RARB: variants seen among roughly 807,000 people sequenced by gnomAD.
The protein encoded by RARB is retinoic acid receptor beta.
RARB carries 17 observed loss-of-function variants against 51.9 expected under a neutral mutation model. That is an observed-to-expected ratio of 0.33 (90% CI 0.22 to 0.49). RARB has a LOEUF of 0.49. Among genes scored for constraint, RARB ranks in the 20% least tolerant of loss-of-function variants. The pLI, the probability that RARB is intolerant of heterozygous loss-of-function variation, is 0.99. For missense variants in RARB, 369 were observed against 550.8 expected, an observed-to-expected ratio of 0.67 and a Z score of 3.30; for synonymous variants, 215 against 195.4, an observed-to-expected ratio of 1.10 and a Z score of -0.84.
At chr3:25,110,323 T>C (rs1699580978) in intron 3 of RARB, among the ~76,000 whole-genome samples, 1 of 152,208 alleles carries the variant, frequency 6.6e-6, no homozygotes, top group Admixed American at 6.5e-5. Flanking sequence ...TCTAAGGGCA[T>C]GCATATGTGT....
intron 1 of RARB, among the ~76,000 whole-genome samples, chr3:24,835,347 G>A (rs1336127209): frequency 6.6e-6 from 1 of 152,156 alleles, no homozygotes; most frequent in East Asian, 1.9e-4. Context: ...GTTTTTACAA[G>A]CAGGTGGCAG....
intron 2 of RARB, among the ~76,000 whole-genome samples, chr3:25,468,747 G>A (rs965133853): frequency 6.6e-6 from 1 of 152,142 alleles, no homozygotes; most frequent in African/African-American, 2.4e-5. Flanking sequence ...ATTAAAAAAG[G>A]AAGCGCTTAC....
chr3:25,023,255 G>T (rs774819015), intron 2 of RARB, among the ~76,000 whole-genome samples: 2 of 152,190 alleles, frequency 1.3e-5, no homozygotes, highest in South Asian at 4.1e-4. Context: ...ATACTCCACA[G>T]TAATGTGAGA....
chr3:24,984,892 C>T lies in RARB; in HGVS notation c.-379-75233C>T, dbSNP rs1696754511. On this transcript the variant is annotated intron_variant, in intron 2 of 11. Coordinates refer to the RARB transcript ENST00000383772. ...AAAACGTAAGTTCCAAAAGCAATAG[C>T]CTGCAATTTCCTGTTCTGAGCTTTG... Among the ~76,000 whole-genome samples the T allele has an allele frequency of 2.0e-5, 3 of 152,264 alleles. No individual in the cohort carries two copies. The South Asian group carries it at 6.2e-4, about 32-fold the overall frequency.
chr3:24,942,586 T>C (rs1695690133), intron 2 of RARB, among the ~76,000 whole-genome samples: 1 of 152,198 alleles, frequency 6.6e-6, no homozygotes, highest in Admixed American at 6.5e-5. Context: ...GTTCTGTGCC[T>C]TTACTACCTA....
intron 2 of RARB, among the ~76,000 whole-genome samples, chr3:25,050,467 C>T (rs543573993): frequency 3.3e-5 from 5 of 152,070 alleles, no homozygotes; most frequent in East Asian, 3.9e-4. Flanking sequence ...CTTTTACACA[C>T]GAGTGAAGTG....
At chr3:25,225,318 C>T (rs534812845) in intron 5 of RARB, among the ~76,000 whole-genome samples, 7 of 152,046 alleles carry the variant, frequency 4.6e-5, no homozygotes, top group Admixed American at 2.0e-4. Context: ...AGAGGAGAGG[C>T]ATTTTAGTAA....
At chr3:25,160,314 T>C (rs1300029131) in intron 4 of RARB, among the ~76,000 whole-genome samples, 1 of 152,232 alleles carries the variant, frequency 6.6e-6, no homozygotes, top group South Asian at 2.1e-4. Context: ...CTAGGAAATG[T>C]TGCACTTTCC....
intron 2 of RARB, among the ~76,000 whole-genome samples, chr3:25,475,258 C>G (rs1021693518): frequency 6.6e-5 from 10 of 152,010 alleles, no homozygotes; most frequent in African/African-American, 2.4e-4. Context: ...GAGCTCTGGG[C>G]CTCAGAAAGA....
intron 5 of RARB, among the ~76,000 whole-genome samples, chr3:25,331,054 A>G (rs1397643960): frequency 6.6e-6 from 1 of 152,216 alleles, no homozygotes; most frequent in Non-Finnish European, 1.5e-5. Flanking sequence ...AAAGAGACTT[A>G]GACCCCCACA....
intron 5 of RARB, among the ~76,000 whole-genome samples, chr3:25,181,066 A>C (rs2125357286): frequency 6.6e-6 from 1 of 152,258 alleles, no homozygotes; most frequent in East Asian, 1.9e-4. Context: ...TCTTGTTATG[A>C]CCAAAGTCAG....
intron 1 of RARB, among the ~76,000 whole-genome samples, chr3:24,831,712 T>A (rs898594906): frequency 6.6e-6 from 1 of 152,002 alleles, no homozygotes; most frequent in Non-Finnish European, 1.5e-5. Context: ...GGTTAGAAAC[T>A]GTTGCAAATA....
chr3:24,908,979 T>C (rs1172668297), intron 2 of RARB, among the ~76,000 whole-genome samples: 3 of 152,170 alleles, frequency 2.0e-5, no homozygotes, highest in Non-Finnish European at 4.4e-5. Context: ...TGCTGAAGAC[T>C]TCAGTAGAAA....
chr3:25,515,422 A>G (rs1283837160), intron 3 of RARB, among the ~76,000 whole-genome samples: 1 of 152,228 alleles, frequency 6.6e-6, no homozygotes, highest in Non-Finnish European at 1.5e-5. Flanking sequence ...TCCTGGGAAC[A>G]TACTCAATAG....
At chr3:25,264,565 T>G (rs1230194724) in intron 5 of RARB, among the ~76,000 whole-genome samples, 5 of 152,192 alleles carry the variant, frequency 3.3e-5, no homozygotes, top group Non-Finnish European at 7.3e-5. Context: ...TTGCTTTATT[T>G]TCAGTACAAT....
At position 25,547,748 on chromosome 3, in the gene RARB, A is replaced by G. The variant is rs1699672667; in HGVS notation, c.449-22010A>G. On this transcript the variant is annotated intron_variant, in intron 3 of 7. Transcript: ENST00000330688. ...GATGTATGGATGAGTAGATGGATGGACGAATGGACATAGAGAAGGCAGAGA... is the reference window on the plus strand; with the variant it reads ...GATGTATGGATGAGTAGATGGATGGGCGAATGGACATAGAGAAGGCAGAGA... Among the ~76,000 whole-genome samples, 6 of 152,208 alleles carry G rather than the reference A, an allele frequency of 3.9e-5. No homozygotes were observed. In the South Asian group the frequency reaches 1.2e-3, roughly 31 times the overall value.
intron 3 of RARB, among the ~76,000 whole-genome samples, chr3:25,116,081 A>G (rs1699682674): frequency 1.3e-5 from 2 of 152,174 alleles, no homozygotes; most frequent in African/African-American, 4.8e-5. Flanking sequence ...CTCATTGACT[A>G]AACTTCTGCT....
chr3:25,016,354 T>C (rs1483847786), intron 2 of RARB, among the ~76,000 whole-genome samples: 1 of 152,290 alleles, frequency 6.6e-6, no homozygotes, highest in South Asian at 2.1e-4. Context: ...TACTTTGTTG[T>C]GAGAGGCTGC....
chr3:24,851,428 A>G (rs1702554409), intron 1 of RARB, among the ~76,000 whole-genome samples: 2 of 129,956 alleles, frequency 1.5e-5, no homozygotes, highest in Admixed American at 1.6e-4. Context: ...ACTTTGTCTC[A>G]AAAAAAAAAA....
Sources: gnomAD v4.1 joint callset for allele counts (sites outside exome capture counted in the v4.1 genomes callset) on GRCh38, gnomAD v4.1.1 for gene constraint, MANE v1.5 for transcripts, NCBI Gene and HGNC (gene_info 2026-07-23, HGNC 2026-07-21) for gene names.